The following ACOXL variants were observed in gnomAD, a reference collection of about 807,000 sequenced individuals.
ACOXL encodes the protein acyl-CoA oxidase like, also known as acyl-coenzyme A oxidase-like protein.
ACOXL carries 70 observed loss-of-function variants against 71.9 expected under a neutral mutation model. That is an observed-to-expected ratio of 0.97 (90% CI 0.80 to 1.19). ACOXL has a LOEUF of 1.19. Among genes scored for constraint, ACOXL ranks in the 50% most tolerant of loss-of-function variants. ACOXL has a pLI of 0.00. For missense variants in ACOXL, 703 were observed against 736.3 expected (o/e 0.95, Z 0.52); for synonymous variants, 253 against 281.6 (o/e 0.90, Z 1.02).
chr2:110,850,603 A>T (rs57195687), intron 10 of ACOXL, among the ~76,000 whole-genome samples: 1 of 152,324 alleles, frequency 6.6e-6, no homozygotes, highest in African/African-American at 2.4e-5. Flanking sequence ...CTTCAATACC[A>T]TCAAATTGAC....
At chr2:110,963,775 ATT>A in intron 12 of ACOXL, 1 of 1,590,986 alleles carries the variant, frequency 6.3e-7, no homozygotes, top group African/African-American at 1.3e-5. Flanking sequence ...TGTTTCATAT[ATT>A]TTATCTTTAT....
At chr2:111,003,056 G>C (rs2063708705) in intron 14 of ACOXL, among the ~76,000 whole-genome samples, 2 of 152,086 alleles carry the variant, frequency 1.3e-5, no homozygotes, top group African/African-American at 2.4e-5. Context: ...GAAATTAGAA[G>C]CTCTCTGGTA....
rs1157513525 is a variant in ACOXL, at chr2:110,801,679, T to G, written c.575T>G (p.Leu192Ter). ...EGLHGVDNGI[L>*]IFDKVRIPRE... is the part of the protein sequence containing the mutation. ...CTGCATGGTGTGGACAATGGGATAT[T>G]AATATTTGACAAGGTTCGGATACCC... The change falls in exon 8 of 18, where the codon TTA becomes TGA. Residue 192 changes from leucine (L) to a stop codon, truncating the protein, a stop_gained. Transcript: ENST00000439055. LOFTEE classifies it high-confidence loss of function. 15 of 1,614,156 alleles carry G rather than the reference T, an allele frequency of 9.3e-6. No individual in the cohort carries two copies. Among genetic ancestry groups the G allele is most frequent in the Non-Finnish European group, 1.2e-5 (14 of 1,180,000 alleles).
chr2:110,862,477 T>A (rs1035683205), intron 10 of ACOXL, among the ~76,000 whole-genome samples: 7 of 151,702 alleles, frequency 4.6e-5, no homozygotes, highest in Non-Finnish European at 7.4e-5. Flanking sequence ...AAAACAATAA[T>A]AAAAAAATTA....
At chr2:110,839,316 T>G (rs1458833166) in intron 9 of ACOXL, among the ~76,000 whole-genome samples, 1 of 152,236 alleles carries the variant, frequency 6.6e-6, no homozygotes, top group East Asian at 1.9e-4. Context: ...TCCCAGGAAA[T>G]GTAAAGTTAT....
At chr2:111,013,062 AT>A (rs2064242215) in intron 14 of ACOXL, among the ~76,000 whole-genome samples, 1 of 152,208 alleles carries the variant, frequency 6.6e-6, no homozygotes, top group Admixed American at 6.5e-5. Context: ...GGAAAAAAAG[AT>A]AAAGTACAAA....
At chr2:111,005,913 T>A (rs1842981) in intron 14 of ACOXL, among the ~76,000 whole-genome samples, 136,685 of 152,168 alleles carry the variant, frequency 0.9, 61,640 homozygotes, top group African/African-American at 0.97. Flanking sequence ...TGAGACATTG[T>A]GGGTAGGGAC....
At chr2:110,934,970 C>T (rs1459354265) in intron 12 of ACOXL, among the ~76,000 whole-genome samples, 1 of 152,212 alleles carries the variant, frequency 6.6e-6, no homozygotes, top group Non-Finnish European at 1.5e-5. Context: ...CTCTCCTTAG[C>T]TAAGGAGGGC....
At chr2:110,968,644 C>T in intron 12 of ACOXL, 1 of 978,990 alleles carries the variant, frequency 1.0e-6, no homozygotes, top group Non-Finnish European at 1.5e-6. Context: ...CCAAAATGTC[C>T]ATTGCCCAGA....
intron 17 of ACOXL, chr2:111,100,084 C>G (rs115857367): frequency 1.3e-5 from 2 of 152,232 alleles, no homozygotes; most frequent in Admixed American, 6.5e-5. Flanking sequence ...TGCATTGGGA[C>G]GTATGGAAAA....
intron 10 of ACOXL, among the ~76,000 whole-genome samples, chr2:110,847,654 A>G (rs1000390516): frequency 3.9e-5 from 6 of 152,196 alleles, no homozygotes; most frequent in Admixed American, 1.3e-4. Context: ...TCACCTAAGA[A>G]AGGCTAAATC....
intron 1 of ACOXL, among the ~76,000 whole-genome samples, chr2:110,752,590 G>A (rs1679144107): frequency 1.3e-5 from 2 of 151,414 alleles, no homozygotes; most frequent in African/African-American, 4.9e-5. Context: ...TCCTTGGCTT[G>A]GGTGTGGATT....
At chr2:110,895,165 G>T (rs558714799) in intron 10 of ACOXL, among the ~76,000 whole-genome samples, 1 of 152,200 alleles carries the variant, frequency 6.6e-6, no homozygotes, top group Non-Finnish European at 1.5e-5. Context: ...TGACAAACAT[G>T]CTGAAACATG....
At chr2:110,774,663 A>G (rs1682411761) in intron 2 of ACOXL, among the ~76,000 whole-genome samples, 1 of 152,258 alleles carries the variant, frequency 6.6e-6, no homozygotes, top group African/African-American at 2.4e-5. Context: ...GCTGAAAGTA[A>G]TAAAAGGAGA....
At chr2:111,094,151 C>CT (rs2068685493) in intron 17 of ACOXL, 2 of 152,192 alleles carry the variant, frequency 1.3e-5, no homozygotes, top group Admixed American at 6.6e-5. Flanking sequence ...ACAATAAAGA[C>CT]TTTACCTGTC....
intron 12 of ACOXL, among the ~76,000 whole-genome samples, chr2:110,952,222 T>C (rs1453700518): frequency 1.3e-5 from 2 of 152,204 alleles, no homozygotes; most frequent in African/African-American, 2.4e-5. Flanking sequence ...ATTTTCCTAG[T>C]AATTTGTTCA....
At chr2:110,907,490 G>C (rs1174326668) in intron 10 of ACOXL, among the ~76,000 whole-genome samples, 1 of 152,014 alleles carries the variant, frequency 6.6e-6, no homozygotes, top group Admixed American at 6.6e-5. Flanking sequence ...AGGTTTCCCT[G>C]TAGACTGACA....
At chr2:110,797,084 C>A (rs544860124) in intron 5 of ACOXL, among the ~76,000 whole-genome samples, 1 of 152,316 alleles carries the variant, frequency 6.6e-6, no homozygotes, top group African/African-American at 2.4e-5. Context: ...GCACCAGGGC[C>A]AGTTCCTTTT....
intron 16 of ACOXL, among the ~76,000 whole-genome samples, chr2:111,059,661 C>G (rs2066708574): frequency 6.6e-6 from 1 of 151,880 alleles, no homozygotes; most frequent in Admixed American, 6.6e-5. Context: ...ACCTCAAGAC[C>G]CAAAGAATGA....
Sources: gnomAD v4.1 joint callset for allele counts (sites outside exome capture counted in the v4.1 genomes callset) on GRCh38, gnomAD v4.1.1 for gene constraint, MANE v1.5 for transcripts, NCBI Gene and HGNC (gene_info 2026-07-23, HGNC 2026-07-21) for gene names.